Variants in PRUNE1 observed in about 807,000 individuals in gnomAD.
PRUNE1 encodes the protein prune exopolyphosphatase 1.
A neutral mutation model predicts 42.5 loss-of-function variants in PRUNE1; 25 were observed. The observed-to-expected ratio is 0.59, with a 90% CI of 0.43 to 0.82. The LOEUF (loss-of-function observed/expected upper bound fraction) is 0.82. PRUNE1 is among the 40% of genes least tolerant of loss of function. PRUNE1 has a pLI of 0.00. For synonymous variants in PRUNE1, 203 were observed against 217.1 expected, an observed-to-expected ratio of 0.93 and a Z score of 0.57; for missense variants, 443 against 539.3, an observed-to-expected ratio of 0.82 and a Z score of 1.77.
chr1:151,027,775 T>TGCGCGC (rs1240633704), intron 6 of PRUNE1, among the ~76,000 whole-genome samples: 27 of 141,214 alleles, frequency 1.9e-4, no homozygotes, highest in African/African-American at 8.3e-4. Context: ...TGTGTGTGTG[T>TGCGCGC]GTGTGTGCGC....
chr1:151,017,116 A>G (rs1674151786), intron 1 of PRUNE1, among the ~76,000 whole-genome samples: 1 of 151,816 alleles, frequency 6.6e-6, no homozygotes, highest in African/African-American at 2.4e-5. Flanking sequence ...AAAAAGTATA[A>G]GCATTCTTTT....
intron 1 of PRUNE1, among the ~76,000 whole-genome samples, chr1:151,016,883 G>C (rs971291755): frequency 6.6e-6 from 1 of 151,642 alleles, no homozygotes; most frequent in African/African-American, 2.4e-5. Context: ...GCATTCGGCC[G>C]AGCACGGTGG....
chr1:151,027,238 A>G lies in PRUNE1; in HGVS notation c.685A>G (p.Thr229Ala). The G allele has an allele frequency of 6.2e-7, 1 of 1,607,172 alleles. No individual in the cohort carries two copies. The highest frequency in any genetic ancestry group is 8.5e-7 in the Non-Finnish European group (1 of 1,173,970). Reference protein sequence around the residue: ...QKAKFDVSGLTTEQMLRKDQK... With the variant: ...QKAKFDVSGLATEQMLRKDQK... Reference sequence around the variant, plus strand: ...GTCTCTCATCTGCTTTCTAGGACTGACCACTGAGCAGATGCTGAGAAAAGA... The same window carrying G: ...GTCTCTCATCTGCTTTCTAGGACTGGCCACTGAGCAGATGCTGAGAAAAGA... Residue 229 changes from threonine (T) to alanine (A), a missense_variant, in exon 6 of 8, where the codon ACC becomes GCC. Thr to Ala is a moderately conservative substitution (Grantham distance 58). Transcript: ENST00000271620.
chr1:151,032,488 C>T (rs761021568), intron 7 of PRUNE1, among the ~76,000 whole-genome samples: 14 of 151,736 alleles, frequency 9.2e-5, no homozygotes, highest in Admixed American at 5.9e-4. Context: ...GAGGCGAGAG[C>T]GGATGACCTG....
At position 151,033,914 on chromosome 1, in the gene PRUNE1, C is replaced by T. The variant is rs778160078; in HGVS notation, c.1042C>T (p.Arg348Ter). The change falls in exon 8 of 8, where the codon CGA becomes TGA. Residue 348 changes from arginine to a stop codon, truncating the protein, a stop_gained. Transcript: ENST00000271620. LOFTEE classifies it high-confidence loss of function. ...TCTTCAAGGCAACACCCAGGTCTCT[C>T]GAAAGAAACTTCTGCCCCTGCTCCA... ...AYLQGNTQVS[R>*]KKLLPLLQEA... 6.2e-7 allele frequency: 1 copy of T among 1,614,036 alleles called. No individual in the cohort carries two copies. Among genetic ancestry groups the T allele is most frequent in the Non-Finnish European group, 8.5e-7 (1 of 1,179,946 alleles).
At chr1:151,020,645 A>G (rs896358121) in intron 3 of PRUNE1, among the ~76,000 whole-genome samples, 1 of 152,076 alleles carries the variant, frequency 6.6e-6, no homozygotes, top group African/African-American at 2.4e-5. Context: ...GTTTTTCTAC[A>G]TAAACTCTTA....
intron 5 of PRUNE1, 41 bp from the exon 6 acceptor site, chr1:151,027,192 G>T (rs762940012): frequency 2.0e-6 from 3 of 1,479,572 alleles, no homozygotes; most frequent in Non-Finnish European, 9.4e-7. Flanking sequence ...TGGGACCCTG[G>T]CCTACCCTGT....
chr1:151,033,181 G>C (rs1305356631), intron 7 of PRUNE1, among the ~76,000 whole-genome samples: 3 of 151,490 alleles, frequency 2.0e-5, no homozygotes, highest in Non-Finnish European at 4.4e-5. Context: ...TGTCTCCTGG[G>C]TTCAAGTGAT....
At chr1:151,025,411 A>G in intron 4 of PRUNE1, 104 bp from the exon 5 acceptor site, 1 of 1,190,214 alleles carries the variant, frequency 8.4e-7, no homozygotes, top group Non-Finnish European at 1.1e-6. Flanking sequence ...TTTGCTATAC[A>G]AATCTCCTTG....
chr1:151,034,200 C>T lies in PRUNE1; in HGVS notation c.1328C>T (p.Ser443Leu). 1 of 1,612,964 alleles carries T rather than the reference C, an allele frequency of 6.2e-7. No homozygotes were observed. Among genetic ancestry groups the T allele is most frequent in the South Asian group, 1.1e-5 (1 of 91,054 alleles). The change falls in exon 8 of 8, where the codon TCA becomes TTA. Residue 443 changes from serine to leucine, a missense_variant. Ser to Leu is a moderately radical substitution (Grantham distance 145, BLOSUM62 -2). Transcript: ENST00000271620. ...GAGAAGTGCAGTCAGATCTCACTGT[C>T]ACAGTCTACCACAGCCTCCCTGTCC... Reference protein sequence around the residue: ...VFEKCSQISLSQSTTASLSKK With the variant: ...VFEKCSQISLLQSTTASLSKK
intron 7 of PRUNE1, among the ~76,000 whole-genome samples, chr1:151,029,735 A>C (rs1211314230): frequency 1.3e-5 from 2 of 152,008 alleles, no homozygotes; most frequent in Non-Finnish European, 2.9e-5. Flanking sequence ...GAAAAAAAAA[A>C]ACAAAAACTC....
In PRUNE1 at chr1:151,034,183, C is replaced by T. The variant is rs1375206337; in HGVS notation, c.1311C>T (p.Cys437=). 3 of 1,613,964 alleles carry T rather than the reference C, an allele frequency of 1.9e-6. No homozygotes were observed. The highest frequency in any genetic ancestry group is 3.3e-5 in the Admixed American group (2 of 60,004). ...CTGCTGAGGCCGTCTTCGAGAAGTG[C>T]AGTCAGATCTCACTGTCACAGTCTA... ...KLSAEAVFEK[C]SQISLSQSTT... The change falls in exon 8 of 8, where the codon TGC becomes TGT. Residue 437 remains cysteine (C), a synonymous_variant. Coordinates refer to ENST00000271620, the MANE Select transcript of PRUNE1 (RefSeq NM_021222.3).
intron 7 of PRUNE1, among the ~76,000 whole-genome samples, chr1:151,030,303 G>C (rs1675164800): frequency 6.6e-6 from 1 of 151,750 alleles, no homozygotes; most frequent in Non-Finnish European, 1.5e-5. Context: ...GCAGTTCAGG[G>C]ATTCTGAGGG....
chr1:151,028,760 A>G, intron 6 of PRUNE1, 26 bp from the exon 7 acceptor site: 1 of 1,608,170 alleles, frequency 6.2e-7, no homozygotes, highest in Non-Finnish European at 8.5e-7. Flanking sequence ...AAAGTCCTTC[A>G]TCCCTCTCCG....
chr1:151,014,728 C>G (rs1204804562), intron 1 of PRUNE1, among the ~76,000 whole-genome samples: 1 of 152,236 alleles, frequency 6.6e-6, no homozygotes, highest in African/African-American at 2.4e-5. Context: ...TTTTCACCTT[C>G]TTGTAACCCA....
chr1:151,033,787 G>C lies in PRUNE1; in HGVS notation c.934-19G>C. The C allele has an allele frequency of 6.2e-7, 1 of 1,600,092 alleles. No individual in the cohort carries two copies. The highest frequency in any genetic ancestry group is 2.2e-5 in the East Asian group (1 of 44,646). On this transcript the variant is annotated intron_variant, in intron 7 of 7. Coordinates refer to ENST00000271620, the MANE Select transcript of PRUNE1 (RefSeq NM_021222.3). ...ACAGCAAGTTGTGTATCATTTCCCT[G>C]TTATTGTCTCCTCTTTAGATCTGTG...
chr1:151,034,063 C>A lies in PRUNE1; in HGVS notation c.1191C>A (p.Gly397=), dbSNP rs3738476. The A allele has an allele frequency of 0.86, 1,394,795 of 1,614,014 alleles. 603,438 individuals are homozygous for A. The highest frequency in any genetic ancestry group is 0.88 in the East Asian group (39,493 of 44,860). Reference sequence around the variant, plus strand: ...GGGCAAGTAACTCCCTGATTTCTGGCCTGAGTCAAGATGAGGAGGACCCTC... The same window carrying A: ...GGGCAAGTAACTCCCTGATTTCTGGACTGAGTCAAGATGAGGAGGACCCTC... ...LDRASNSLIS[G]LSQDEEDPPL... Residue 397 remains glycine (G), a synonymous_variant, in exon 8 of 8, where the codon GGC becomes GGA. Coordinates refer to ENST00000271620, the MANE Select transcript of PRUNE1 (RefSeq NM_021222.3).
In PRUNE1 at chr1:151,018,762, G is replaced by T. The variant is rs973846475; in HGVS notation, c.335+93G>T. 2.3e-4 allele frequency: 286 copies of T among 1,224,650 alleles called. 3 individuals are homozygous for T. Among genetic ancestry groups the T allele is most frequent in the Non-Finnish European group, 4.3e-5 (38 of 882,062 alleles). 75.9% of individuals were successfully genotyped at this position (1,224,650 alleles called of 1,614,324 possible). On this transcript the variant is annotated intron_variant, in intron 3 of 7. Transcript: ENST00000271620. ...AGAGAGGAAGAAAGAGTTTTTGCTG[G>T]CTGGGCATGGTGGCTCATGCCTGTA...
At chr1:151,013,829 G>A (rs1269974298) in intron 1 of PRUNE1, among the ~76,000 whole-genome samples, 1 of 152,190 alleles carries the variant, frequency 6.6e-6, no homozygotes, top group Non-Finnish European at 1.5e-5. Context: ...TGGTCTCCAG[G>A]AAACAGAGGT....
Sources: allele counts gnomAD v4.1 joint callset (sites outside exome capture counted in the v4.1 genomes callset), GRCh38; gene constraint gnomAD v4.1.1; transcripts MANE v1.5; gene names NCBI Gene and HGNC (gene_info 2026-07-23, HGNC 2026-07-21).